Variants in PUM2 observed in about 807,000 individuals in gnomAD.
PUM2 encodes the protein pumilio RNA binding family member 2.
A neutral mutation model predicts 124.5 loss-of-function variants in PUM2; 57 were observed. The observed-to-expected ratio is 0.46, with a 90% CI of 0.37 to 0.57. The LOEUF is 0.57. PUM2 is among the 20% of genes least tolerant of loss of function. PUM2 has a pLI of 0.00. For missense variants in PUM2, 1,065 were observed against 1,290.6 expected, an observed-to-expected ratio of 0.83 and a Z score of 2.68; for synonymous variants, 460 against 446.1, an observed-to-expected ratio of 1.03 and a Z score of -0.39.
At chr2:20,349,636 C>T (rs1271170876) in intron 1 of PUM2, among the ~76,000 whole-genome samples, 1 of 152,034 alleles carries the variant, frequency 6.6e-6, no homozygotes, top group African/African-American at 2.4e-5. Flanking sequence ...TAAAATCCTT[C>T]GGTAACTCCC....
intron 1 of PUM2, chr2:20,331,616 G>GAAAAAAAAA (rs200177077): frequency 1.0e-5 from 1 of 96,984 alleles, no homozygotes; most frequent in African/African-American, 4.3e-5. Context: ...ATCGAAAGCA[G>GAAAAAAAAA]AAAAAAAAAA....
In PUM2 at chr2:20,296,897, T is replaced by C. The variant is rs565435894; in HGVS notation, c.1009+656A>G. Among the ~76,000 whole-genome samples the C allele has an allele frequency of 1.6e-3, 246 of 152,284 alleles. 2 individuals carry two copies. Among genetic ancestry groups the C allele is most frequent in the African/African-American group, 5.6e-3 (234 of 41,552 alleles). On this transcript the variant is annotated intron_variant, in intron 8 of 20. Transcript: ENST00000361078. ...GACAATAAATACAGCTTTTTTGTTG[T>C]TGTTTTCATTTTTAGACAGTCTCAC...
intron 3 of PUM2, among the ~76,000 whole-genome samples, chr2:20,315,858 A>AC (rs1491381245): frequency 7.6e-6 from 1 of 132,010 alleles, no homozygotes; most frequent in African/African-American, 2.7e-5. Flanking sequence ...AAAAAAAAAA[A>AC]CAAACCAAAA....
chr2:20,254,547 A>G (rs1664303666), intron 19 of PUM2, among the ~76,000 whole-genome samples: 1 of 152,218 alleles, frequency 6.6e-6, no homozygotes, highest in Non-Finnish European at 1.5e-5. Context: ...TTAAAATTGT[A>G]CTTCAAAAAA....
At chr2:20,289,706 AAAC>A (rs1194482752) in intron 10 of PUM2, among the ~76,000 whole-genome samples, 2 of 152,244 alleles carry the variant, frequency 1.3e-5, no homozygotes, top group East Asian at 1.9e-4. Flanking sequence ...GAAATCCTTC[AAAC>A]AACAAACCAA....
At chr2:20,288,006 G>A (rs1441910881) in intron 10 of PUM2, among the ~76,000 whole-genome samples, 1 of 152,228 alleles carries the variant, frequency 6.6e-6, no homozygotes, top group Non-Finnish European at 1.5e-5. Flanking sequence ...CCAAGATGCA[G>A]ATGTAAATTC....
At chr2:20,277,706 T>C (rs1670581349) in intron 13 of PUM2, among the ~76,000 whole-genome samples, 3 of 152,152 alleles carry the variant, frequency 2.0e-5, no homozygotes, top group Admixed American at 2.0e-4. Context: ...CTGCTTACAG[T>C]AGCAACATTA....
At chr2:20,288,519 G>A (rs922887817) in intron 10 of PUM2, among the ~76,000 whole-genome samples, 4 of 152,172 alleles carry the variant, frequency 2.6e-5, no homozygotes, top group Admixed American at 2.0e-4. Context: ...TTTTTAGGAT[G>A]AACAGGCAGA....
At chr2:20,312,458 ACTTT>A in intron 3 of PUM2, 35 bp from the exon 4 acceptor site, 1 of 1,549,058 alleles carries the variant, frequency 6.5e-7, no homozygotes, top group Non-Finnish European at 8.7e-7. Flanking sequence ...ATATACTTAT[ACTTT>A]TAAGTTAAAC....
intron 3 of PUM2, among the ~76,000 whole-genome samples, chr2:20,317,322 A>G (rs923171134): frequency 6.6e-6 from 1 of 152,140 alleles, no homozygotes; most frequent in African/African-American, 2.4e-5. Flanking sequence ...GTCTCTCCCC[A>G]CTACTTATGA....
rs118011590 is a variant in PUM2, at chr2:20,299,782, C to A, written c.884-2104G>T. Among the ~76,000 whole-genome samples, 142 of 152,276 alleles carry A rather than the reference C, an allele frequency of 9.3e-4. 2 individuals carry two copies. In the East Asian group the frequency reaches 0.025, roughly 27 times the overall value. On this transcript the variant is annotated intron_variant, in intron 7 of 20. Coordinates refer to ENST00000361078, the MANE Select transcript of PUM2 (RefSeq NM_015317.5). ...TCAACACTGATTTCTTGTCTAGGCA[C>A]AACACAGCCATTTAAGAAATCTGCT...
chr2:20,329,191 A>C (rs955542703), intron 1 of PUM2, among the ~76,000 whole-genome samples: 1 of 151,444 alleles, frequency 6.6e-6, no homozygotes, highest in Non-Finnish European at 1.5e-5. Flanking sequence ...AAAAAAAAAA[A>C]AGATAAGATC....
At chr2:20,273,345 C>T (rs1311616103) in intron 13 of PUM2, among the ~76,000 whole-genome samples, 3 of 152,174 alleles carry the variant, frequency 2.0e-5, no homozygotes, top group African/African-American at 7.2e-5. Flanking sequence ...TACTACGAGG[C>T]ATTTTAAACA....
intron 7 of PUM2, among the ~76,000 whole-genome samples, chr2:20,305,972 G>C (rs1169894453): frequency 2.6e-5 from 4 of 152,172 alleles, no homozygotes; most frequent in Non-Finnish European, 5.9e-5. Context: ...TGTAATCCCA[G>C]CACTTTGGAA....
rs188800232 is a variant in PUM2, at chr2:20,292,035, G to A, written c.1153-1245C>T. Among the ~76,000 whole-genome samples, 298 of 150,462 alleles carry A rather than the reference G, an allele frequency of 2.0e-3. 3 individuals are homozygous for A. Among genetic ancestry groups the A allele is most frequent in the Middle Eastern group, 0.01 (3 of 294 alleles). On this transcript the variant is annotated intron_variant, in intron 9 of 20. Transcript: ENST00000361078. ...AAATTCCCTGGCATGTTCATTGCCT[G>A]GTACATCTGGTATGCAGTCTTCTGG...
At chr2:20,258,131 T>A (rs1181965357) in intron 16 of PUM2, 112 bp downstream of exon 16, 1 of 983,220 alleles carries the variant, frequency 1.0e-6, no homozygotes, top group Admixed American at 3.0e-5. Context: ...TTTAGTCTAG[T>A]TGTGGAAATA....
At chr2:20,304,229 A>G (rs1446541042) in intron 7 of PUM2, among the ~76,000 whole-genome samples, 1 of 152,094 alleles carries the variant, frequency 6.6e-6, no homozygotes, top group Admixed American at 6.5e-5. Context: ...AGCCATCTGT[A>G]GGTCACCTGG....
intron 13 of PUM2, among the ~76,000 whole-genome samples, chr2:20,264,751 G>C (rs894349396): frequency 6.6e-6 from 1 of 152,092 alleles, no homozygotes; most frequent in Non-Finnish European, 1.5e-5. Flanking sequence ...CCAGGCCACA[G>C]GGTAGAGATG....
chr2:20,300,508 G>A (rs1269251513), intron 7 of PUM2, among the ~76,000 whole-genome samples: 1 of 151,104 alleles, frequency 6.6e-6, no homozygotes, highest in African/African-American at 2.4e-5. Flanking sequence ...TGGTTGCTGG[G>A]GGCCTTAGAA....
Sources: gnomAD v4.1 joint callset for allele counts (sites outside exome capture counted in the v4.1 genomes callset) on GRCh38, gnomAD v4.1.1 for gene constraint, MANE v1.5 for transcripts, NCBI Gene and HGNC (gene_info 2026-07-23, HGNC 2026-07-21) for gene names.